MBOAT1: variants seen among roughly 807,000 people sequenced by gnomAD.
The protein encoded by MBOAT1 is membrane-bound glycerophospholipid O-acyltransferase 1.
Under a neutral mutation model 64.4 loss-of-function variants are expected in MBOAT1, and 67 were observed. The ratio of observed to expected loss-of-function variants is 1.04; its 90% CI spans 0.85 to 1.27. MBOAT1 has a LOEUF of 1.27. Ranked by LOEUF, MBOAT1 falls within the 50% of genes most tolerant of loss-of-function variation. The probability of loss-of-function intolerance (pLI) is 0.00; values close to 1 mark genes in which losing one functional copy is unlikely to be tolerated. For missense variants in MBOAT1, 563 were observed against 604.6 expected, an observed-to-expected ratio of 0.93 and a Z score of 0.72; for synonymous variants, 229 against 218.9, an observed-to-expected ratio of 1.05 and a Z score of -0.41.
rs902892867 is a variant in MBOAT1, at chr6:20,120,186, TAGG to T, written c.908-1649_908-1647del. The stretch of plus-strand genomic sequence containing the variant: ...CGGCAGCATACTACATACACGGGCC[TAGG>T]AGAAGAATCATCTAACGTCTAAAAA... On this transcript the variant is annotated intron_variant, in intron 8 of 12. Transcript: ENST00000324607. 1.1e-3 allele frequency among the ~76,000 whole-genome samples: 174 copies of T among 152,204 alleles called. 1 individual carries two copies. Among genetic ancestry groups the T allele is most frequent in the African/African-American group, 4.1e-3 (171 of 41,530 alleles).
In MBOAT1 at chr6:20,177,997, C is replaced by T. The variant is rs145852975; in HGVS notation, c.100-25228G>A. On this transcript the variant is annotated intron_variant, in intron 1 of 12. Coordinates refer to ENST00000324607, the MANE Select transcript of MBOAT1 (RefSeq NM_001080480.3). ...ATGGATAACTGGGGAGACTCCCTGG[C>T]ATTGAGTGTCACTCGCAAGACTCGT... Among the ~76,000 whole-genome samples, 4 of 152,228 alleles carry T rather than the reference C, an allele frequency of 2.6e-5. No individual in the cohort carries two copies. In the East Asian group the frequency reaches 5.8e-4, roughly 22 times the overall value.
chr6:20,136,094 T>C (rs1231220033), intron 4 of MBOAT1, among the ~76,000 whole-genome samples: 7 of 152,146 alleles, frequency 4.6e-5, no homozygotes. Context: ...AGTGGAATGC[T>C]CCCAATTCTT....
intron 1 of MBOAT1, among the ~76,000 whole-genome samples, chr6:20,211,785 T>C (rs1314063851): frequency 6.6e-6 from 1 of 152,156 alleles, no homozygotes; most frequent in Non-Finnish European, 1.5e-5. Context: ...CAATAACGAC[T>C]TGAGGACACT....
intron 11 of MBOAT1, among the ~76,000 whole-genome samples, chr6:20,112,454 CTG>C (rs752127860): frequency 2.0e-5 from 3 of 152,152 alleles, no homozygotes; most frequent in Non-Finnish European, 2.9e-5. Flanking sequence ...TCAAGAGACT[CTG>C]TGAGTTATTT....
chr6:20,151,729 A>G (rs975428534), intron 2 of MBOAT1, among the ~76,000 whole-genome samples: 5 of 152,176 alleles, frequency 3.3e-5, no homozygotes, highest in African/African-American at 9.7e-5. Flanking sequence ...GTACTTCTCA[A>G]TATGTTGGTT....
intron 11 of MBOAT1, among the ~76,000 whole-genome samples, chr6:20,111,835 C>T (rs9356719): frequency 0.48 from 41,587 of 85,938 alleles, 11,597 homozygotes; most frequent in African/African-American, 0.59. Flanking sequence ...CATATATATA[C>T]ACATATATAT....
intron 1 of MBOAT1, among the ~76,000 whole-genome samples, chr6:20,169,438 T>C (rs1045618795): frequency 6.6e-6 from 1 of 152,134 alleles, no homozygotes; most frequent in Non-Finnish European, 1.5e-5. Flanking sequence ...TTGGTGACCA[T>C]TGTGCAATGT....
chr6:20,140,335 T>C (rs984548140), intron 4 of MBOAT1, among the ~76,000 whole-genome samples: 1 of 152,200 alleles, frequency 6.6e-6, no homozygotes, highest in Non-Finnish European at 1.5e-5. Context: ...TCAGCTTACA[T>C]GTAAGTTGTG....
At chr6:20,182,082 C>A (rs1345294305) in intron 1 of MBOAT1, among the ~76,000 whole-genome samples, 3 of 152,130 alleles carry the variant, frequency 2.0e-5, no homozygotes, top group Non-Finnish European at 4.4e-5. Context: ...TGCCTATTTC[C>A]AGAGTTGTTA....
chr6:20,132,613 C>A (rs1760865029), intron 4 of MBOAT1, among the ~76,000 whole-genome samples: 1 of 152,156 alleles, frequency 6.6e-6, no homozygotes. Flanking sequence ...AGAGCTAAAA[C>A]AAGAGAACCC....
At chr6:20,172,683 C>T (rs897858557) in intron 1 of MBOAT1, among the ~76,000 whole-genome samples, 3 of 151,992 alleles carry the variant, frequency 2.0e-5, no homozygotes, top group African/African-American at 7.3e-5. Context: ...AATGAAAAGG[C>T]ATGCAAGCAA....
At chr6:20,121,452 G>T (rs1760490486) in intron 8 of MBOAT1, among the ~76,000 whole-genome samples, 1 of 152,154 alleles carries the variant, frequency 6.6e-6, no homozygotes, top group African/African-American at 2.4e-5. Flanking sequence ...ACAAAGAAAA[G>T]GGAAGCATGG....
At chr6:20,199,810 A>C (rs1485229309) in intron 1 of MBOAT1, among the ~76,000 whole-genome samples, 1 of 152,176 alleles carries the variant, frequency 6.6e-6, no homozygotes, top group African/African-American at 2.4e-5. Context: ...TCTACTAAAA[A>C]TACAAAAATT....
intron 2 of MBOAT1, among the ~76,000 whole-genome samples, chr6:20,152,388 A>T (rs899477999): frequency 5.3e-5 from 6 of 113,562 alleles, no homozygotes; most frequent in Admixed American, 1.8e-4. Flanking sequence ...TTAATTAATT[A>T]AAAAAAAGAA....
chr6:20,116,614 T>G (rs1386104127), intron 9 of MBOAT1, among the ~76,000 whole-genome samples: 2 of 152,238 alleles, frequency 1.3e-5, no homozygotes, highest in Non-Finnish European at 2.9e-5. Context: ...TTTATTTATC[T>G]ATTTCTTCTG....
intron 1 of MBOAT1, among the ~76,000 whole-genome samples, chr6:20,181,214 C>T (rs1762498791): frequency 2.0e-5 from 3 of 152,294 alleles, no homozygotes; most frequent in Non-Finnish European, 2.9e-5. Context: ...TCCCCGCTCC[C>T]CAGGTTCCAC....
At chr6:20,112,795 C>G in intron 11 of MBOAT1, 81 bp downstream of exon 11, 2 of 1,475,524 alleles carry the variant, frequency 1.4e-6, no homozygotes, top group Non-Finnish European at 1.8e-6. Context: ...CACCCCCAAC[C>G]CCTACTAGGA....
rs116199274 is a variant in MBOAT1 at position 20,186,076 on chromosome 6, G to A, written c.99+26060C>T. ...TGTACACCTGTAGTCCTGGCTACTC[G>A]GGAGGTTGAGGCTGGATGATCGCTT... On this transcript the variant is annotated intron_variant, in intron 1 of 12. Transcript: ENST00000324607. Among the ~76,000 whole-genome samples, 1,089 of 152,264 alleles carry A rather than the reference G, an allele frequency of 7.2e-3. 19 individuals carry two copies. Among genetic ancestry groups the A allele is most frequent in the African/African-American group, 0.024 (1,004 of 41,536 alleles).
chr6:20,109,965 A>AATGGT (rs1244351087), intron 11 of MBOAT1, among the ~76,000 whole-genome samples: 1 of 130,210 alleles, frequency 7.7e-6, no homozygotes, highest in Non-Finnish European at 1.5e-5. Context: ...GCTGGAGTGC[A>AATGGT]GTGGCGCAAT....
Sources: allele counts gnomAD v4.1 joint callset (sites outside exome capture counted in the v4.1 genomes callset), GRCh38; gene constraint gnomAD v4.1.1; transcripts MANE v1.5; gene names NCBI Gene and HGNC (gene_info 2026-07-23, HGNC 2026-07-21).